NRCAM: variants seen among roughly 807,000 people sequenced by gnomAD.
NRCAM encodes neuronal cell adhesion molecule, also known as NgCAM-related cell adhesion molecule.
Under a neutral mutation model 156.5 loss-of-function variants are expected in NRCAM, and 83 were observed. The ratio of observed to expected loss-of-function variants is 0.53; its 90% CI spans 0.44 to 0.64. The LOEUF (loss-of-function observed/expected upper bound fraction) is 0.64, where lower values mean the gene tolerates loss of function less well. NRCAM is among the 30% of genes least tolerant of loss of function. The pLI is 0.00. For synonymous variants in NRCAM, 538 were observed against 563.9 expected (o/e 0.95, Z 0.65); for missense variants, 1,417 against 1,597.3 (o/e 0.89, Z 1.92).
At position 108,209,350 on chromosome 7, in the gene NRCAM, T is replaced by C; in HGVS notation, c.1075+71A>G. 4.6e-6 allele frequency: 5 copies of C among 1,091,566 alleles called. No homozygotes were observed. The South Asian group carries it at 5.4e-5, about 12-fold the overall frequency. 67.6% of individuals were successfully genotyped at this position (1,091,566 alleles called of 1,614,324 possible). On this transcript the variant is annotated intron_variant, in intron 12 of 32. Coordinates refer to ENST00000379028, the MANE Select transcript of NRCAM (RefSeq NM_001037132.4). ...ACATTTACCATTACTAAAAATGTAA[T>C]GAAAACCACATTTAATTAAAGTTTC...
chr7:108,215,120 C>T (rs190708745), intron 11 of NRCAM, among the ~76,000 whole-genome samples: 1 of 152,026 alleles, frequency 6.6e-6, no homozygotes, highest in Admixed American at 6.6e-5. Flanking sequence ...TCTGCTTGGT[C>T]CAGAGCTGAG....
rs540874860 is a variant in NRCAM at position 108,187,842 on chromosome 7, C to A, written c.2035+1803G>T. On this transcript the variant is annotated intron_variant, in intron 20 of 32. Transcript: ENST00000379028. Reference sequence around the variant, plus strand: ...TGGTGGCGGGCGCCTGTAGTCCCAGCTACTCGGGAAGCTGAGGCAGGAGAA... The same window carrying A: ...TGGTGGCGGGCGCCTGTAGTCCCAGATACTCGGGAAGCTGAGGCAGGAGAA... 5.7e-4 allele frequency among the ~76,000 whole-genome samples: 87 copies of A among 152,018 alleles called. 1 individual carries two copies. Among genetic ancestry groups the A allele is most frequent in the Non-Finnish European group, 1.1e-3 (72 of 67,998 alleles).
At chr7:108,308,220 C>A (rs1370462009) in intron 3 of NRCAM, among the ~76,000 whole-genome samples, 1 of 152,130 alleles carries the variant, frequency 6.6e-6, no homozygotes, top group Non-Finnish European at 1.5e-5. Flanking sequence ...GGGCAGTGCC[C>A]CTGCCTTTTG....
chr7:108,382,431 A>AT (rs1055888561), intron 2 of NRCAM, among the ~76,000 whole-genome samples: 2 of 151,830 alleles, frequency 1.3e-5, no homozygotes, highest in Non-Finnish European at 2.9e-5. Flanking sequence ...CCCCATCTCT[A>AT]TTTTTTTAAT....
chr7:108,348,473 AGGACT>A (rs1196736694), intron 2 of NRCAM, among the ~76,000 whole-genome samples: 1 of 152,172 alleles, frequency 6.6e-6, no homozygotes, highest in Non-Finnish European at 1.5e-5. Context: ...TCTTATTTAG[AGGACT>A]GACAGGATAA....
chr7:108,328,067 A>T (rs1326581555), intron 2 of NRCAM, among the ~76,000 whole-genome samples: 1 of 152,238 alleles, frequency 6.6e-6, no homozygotes, highest in Non-Finnish European at 1.5e-5. Flanking sequence ...ATGTACCCTG[A>T]TGACAAACAA....
intron 2 of NRCAM, among the ~76,000 whole-genome samples, chr7:108,373,534 A>G (rs2099642652): frequency 6.6e-6 from 1 of 152,176 alleles, no homozygotes; most frequent in Non-Finnish European, 1.5e-5. Context: ...TGCTCCCCCT[A>G]CAATGGGCTA....
chr7:108,447,995 C>A (rs1846328891), intron 1 of NRCAM, among the ~76,000 whole-genome samples: 1 of 152,180 alleles, frequency 6.6e-6, no homozygotes, highest in Admixed American at 6.5e-5. Context: ...TGAACTCACT[C>A]CCTCTCTGCT....
chr7:108,281,101 CTG>C (rs1563090222), intron 3 of NRCAM, among the ~76,000 whole-genome samples: 1 of 152,034 alleles, frequency 6.6e-6, no homozygotes, highest in African/African-American at 2.4e-5. Flanking sequence ...TTTTGAATGA[CTG>C]TATTTGTTTC....
intron 2 of NRCAM, among the ~76,000 whole-genome samples, chr7:108,385,939 G>A (rs1473722628): frequency 6.6e-6 from 1 of 152,032 alleles, no homozygotes; most frequent in African/African-American, 2.4e-5. Context: ...GAGAGGGAAA[G>A]AGAGAGAATA....
chr7:108,434,080 C>A (rs1829164193), intron 1 of NRCAM, among the ~76,000 whole-genome samples: 1 of 152,150 alleles, frequency 6.6e-6, no homozygotes, highest in Non-Finnish European at 1.5e-5. Context: ...CAAAGGCACT[C>A]AAAAATCTGA....
At chr7:108,393,296 C>T (rs1389053222) in intron 2 of NRCAM, among the ~76,000 whole-genome samples, 1 of 152,174 alleles carries the variant, frequency 6.6e-6, no homozygotes, top group African/African-American at 2.4e-5. Context: ...TCGCTGCCAC[C>T]TTGCAGATCG....
chr7:108,317,326 C>T (rs2098939019), intron 2 of NRCAM, among the ~76,000 whole-genome samples: 1 of 152,060 alleles, frequency 6.6e-6, no homozygotes, highest in African/African-American at 2.4e-5. Flanking sequence ...TGTCTATAAT[C>T]TAGGAAGAAG....
At chr7:108,209,201 A>G (rs1357713927) in intron 12 of NRCAM, among the ~76,000 whole-genome samples, 1 of 152,098 alleles carries the variant, frequency 6.6e-6, no homozygotes, top group Non-Finnish European at 1.5e-5. Context: ...CATTATTCCT[A>G]TATTCATTAA....
At chr7:108,359,075 G>A (rs1164298262) in intron 2 of NRCAM, among the ~76,000 whole-genome samples, 2 of 152,196 alleles carry the variant, frequency 1.3e-5, no homozygotes, top group Non-Finnish European at 2.9e-5. Flanking sequence ...CAAGTAGGAT[G>A]TAGGCTATTT....
intron 24 of NRCAM, among the ~76,000 whole-genome samples, chr7:108,181,276 C>T (rs107589): frequency 0.68 from 103,023 of 151,688 alleles, 37,039 homozygotes; most frequent in East Asian, 0.96. Context: ...AGTGACTGTA[C>T]GCTTGGCTGC....
intron 3 of NRCAM, among the ~76,000 whole-genome samples, chr7:108,306,982 C>G (rs1419299237): frequency 6.6e-6 from 1 of 152,120 alleles, no homozygotes; most frequent in Non-Finnish European, 1.5e-5. Flanking sequence ...CAGAGAGATG[C>G]CACTAAGCCA....
chr7:108,421,618 A>T (rs1482491936), intron 1 of NRCAM, among the ~76,000 whole-genome samples: 1 of 152,222 alleles, frequency 6.6e-6, no homozygotes, highest in Non-Finnish European at 1.5e-5. Flanking sequence ...GTACAAAGTT[A>T]AAATACAAAA....
intron 24 of NRCAM, among the ~76,000 whole-genome samples, chr7:108,180,910 G>T (rs766482178): frequency 2.0e-5 from 3 of 152,166 alleles, no homozygotes; most frequent in Non-Finnish European, 4.4e-5. Context: ...GAACGTGTGG[G>T]CTACTAAGTG....
Sources: gnomAD v4.1 joint callset for allele counts (sites outside exome capture counted in the v4.1 genomes callset) on GRCh38, gnomAD v4.1.1 for gene constraint, MANE v1.5 for transcripts, NCBI Gene and HGNC (gene_info 2026-07-23, HGNC 2026-07-21) for gene names.